SMG5: variants seen among roughly 807,000 people sequenced by gnomAD.
SMG5 encodes SMG5 nonsense mediated mRNA decay factor, also known as nonsense-mediated mRNA decay factor SMG5.
SMG5 carries 53 observed loss-of-function variants against 122.9 expected under a neutral mutation model. That is an observed-to-expected ratio of 0.43 (90% confidence interval 0.35 to 0.54). The LOEUF is 0.54. Among genes scored for constraint, SMG5 ranks in the 20% least tolerant of loss-of-function variants. The pLI, the probability that SMG5 is intolerant of heterozygous loss-of-function variation, is 0.01. For missense variants in SMG5, 1,153 were observed against 1,285.6 expected, an observed-to-expected ratio of 0.90 and a Z score of 1.58; for synonymous variants, 477 against 490.2, an observed-to-expected ratio of 0.97 and a Z score of 0.35.
chr1:156,253,225 A>G, intron 17 of SMG5, 147 bp from the exon 18 acceptor site: 1 of 1,043,604 alleles, frequency 9.6e-7, no homozygotes, highest in South Asian at 1.6e-5. Context: ...TTGGGGGAAA[A>G]GTAAACAGAA....
At chr1:156,255,322 C>CGAGGTCAGGAGTTCGAGACCAGCCTGA (rs1345053284) in intron 16 of SMG5, among the ~76,000 whole-genome samples, 32 of 151,272 alleles carry the variant, frequency 2.1e-4, no homozygotes, top group Admixed American at 1.7e-3. Context: ...GGGTAGATCA[C>CGAGGTCAGGAGTTCGAGACCAGCCTGA]GAGGTCAGGA....
At chr1:156,268,973 C>CTT (rs59194923) in intron 7 of SMG5, among the ~76,000 whole-genome samples, 2 of 144,052 alleles carry the variant, frequency 1.4e-5, no homozygotes, top group Admixed American at 6.9e-5. Flanking sequence ...CAATCCAACT[C>CTT]TTTTTTTTTT....
upstream of SMG5, chr1:156,285,296 C>T: frequency 1.3e-6 from 2 of 1,577,306 alleles, no homozygotes; most frequent in African/African-American, 1.4e-5. Flanking sequence ...GAGCTCACCC[C>T]AGGCCTTGGT....
At chr1:156,273,259 G>A (rs1008691295) in intron 6 of SMG5, 102 bp downstream of exon 6, 4 of 883,066 alleles carry the variant, frequency 4.5e-6, no homozygotes, top group Middle Eastern at 3.4e-4. Flanking sequence ...AGAATGAAGA[G>A]GAGCTGGGGA....
intron 16 of SMG5, among the ~76,000 whole-genome samples, chr1:156,258,099 T>C (rs1661660805): frequency 6.6e-6 from 1 of 152,250 alleles, no homozygotes; most frequent in Non-Finnish European, 1.5e-5. Context: ...AATGAATTAC[T>C]GGATGGAAAA....
intron 4 of SMG5, among the ~76,000 whole-genome samples, chr1:156,275,529 G>A (rs1366755358): frequency 2.0e-5 from 3 of 152,350 alleles, no homozygotes; most frequent in South Asian, 2.1e-4. Flanking sequence ...CAGCTGCTAA[G>A]CAGCAGAGTT....
At chr1:156,275,174 AT>A (rs1425363503) in intron 4 of SMG5, among the ~76,000 whole-genome samples, 36 of 151,594 alleles carry the variant, frequency 2.4e-4, no homozygotes, top group African/African-American at 7.5e-4. Flanking sequence ...CAACAACAAA[AT>A]TTAAAAAAGA....
In SMG5 at chr1:156,268,180, A is replaced by C. The variant is rs56280074; in HGVS notation, c.843T>G (p.Cys281Trp). The C allele has an allele frequency of 4.4e-4, 703 of 1,614,110 alleles. 6 individuals carry two copies. The African/African-American group carries it at 8.6e-3, about 20-fold the overall frequency. Residue 281 changes from cysteine to tryptophan, a missense_variant, in exon 9 of 22, where the codon TGT becomes TGG. Physicochemically the swap from Cys to Trp is radical, Grantham distance 215 (BLOSUM62 -2). Coordinates refer to ENST00000361813, the MANE Select transcript of SMG5 (RefSeq NM_015327.3). ...TRKLSPGKKRCKDIKRLLVNF... is the reference protein window; with the variant it reads ...TRKLSPGKKRWKDIKRLLVNF... ...TCACTAGCAACCTTTTAATGTCTTT[A>C]CATCTGAAATGAGAAGAGCCCAAAG...
chr1:156,262,511 G>A (rs1035642662), intron 13 of SMG5, among the ~76,000 whole-genome samples: 9 of 149,376 alleles, frequency 6.0e-5, no homozygotes, highest in East Asian at 2.0e-4. Flanking sequence ...AGAAAGCAGC[G>A]AAACCACAAG....
At chr1:156,263,643 GTGCAGGGAGCA>G in intron 12 of SMG5, 73 bp from the exon 13 acceptor site, 1 of 1,502,806 alleles carries the variant, frequency 6.7e-7, no homozygotes, top group Non-Finnish European at 9.0e-7. Flanking sequence ...CCTCAGCTCT[GTGCAGGGAGCA>G]TGCTTCCACC....
intron 10 of SMG5, among the ~76,000 whole-genome samples, chr1:156,267,232 C>A (rs1662191498): frequency 6.6e-6 from 1 of 152,154 alleles, no homozygotes; most frequent in Admixed American, 6.5e-5. Flanking sequence ...CAAGGGTGTG[C>A]ATATTTATGG....
intron 4 of SMG5, among the ~76,000 whole-genome samples, chr1:156,275,242 G>A (rs139605490): frequency 5.8e-4 from 88 of 152,116 alleles, no homozygotes; most frequent in African/African-American, 1.4e-3. Context: ...GAGGTCCACA[G>A]AGAAGGCAGC....
At position 156,274,610 on chromosome 1, in the gene SMG5, A is replaced by G; in HGVS notation, c.531T>C (p.Tyr177=). Residue 177 remains tyrosine (Y), a synonymous_variant, in exon 5 of 22, where the codon TAT becomes TAC. Coordinates refer to ENST00000361813, the MANE Select transcript of SMG5 (RefSeq NM_015327.3). ...AQMACHRCLV[Y]LGDLSRYQNE... is the part of the protein sequence containing the mutation. ...GCAAATTCTTACACAAATCCCCCAG[A>G]TACACCAGACATCGGTGACATGCCA... 1 of 1,613,890 alleles carries G rather than the reference A, an allele frequency of 6.2e-7. No homozygotes were observed. The highest frequency in any genetic ancestry group is 8.5e-7 in the Non-Finnish European group (1 of 1,179,838).
rs752953468 is a variant in SMG5, at chr1:156,260,505, G to T, written c.2229C>A (p.Ala743=). Residue 743 remains alanine, a synonymous_variant, in exon 15 of 22, where the codon GCC becomes GCA. Coordinates refer to ENST00000361813, the MANE Select transcript of SMG5 (RefSeq NM_015327.3). ...ALRNLPPLRA[A]HRRFNFDTDR... ...CCGTGTCAAAGTTAAAGCGTCTGTG[G>T]GCAGCTCGGAGCGGGGGCAGGTTAC... 24 of 1,590,260 alleles carry T rather than the reference G, an allele frequency of 1.5e-5. No individual in the cohort carries two copies. Among genetic ancestry groups the T allele is most frequent in the Non-Finnish European group, 2.0e-5 (23 of 1,171,496 alleles).
At chr1:156,257,505 C>T (rs1661632054) in intron 16 of SMG5, among the ~76,000 whole-genome samples, 1 of 152,042 alleles carries the variant, frequency 6.6e-6, no homozygotes, top group South Asian at 2.1e-4. Flanking sequence ...ACTCCCTACC[C>T]CCCGACAGGA....
In SMG5 at chr1:156,272,344, T is replaced by C. The variant is rs747674455; in HGVS notation, c.689A>G (p.Glu230Gly). The change falls in exon 7 of 22, where the codon GAA (glutamate) becomes GGA (glycine). Residue 230 changes from glutamate to glycine, a missense_variant. Glu to Gly is a moderately conservative substitution (Grantham distance 98, BLOSUM62 -2). This residue lies in a region of SMG5 where 85 missense variants were observed against 127.3 expected (regional missense o/e 0.67). Transcript: ENST00000361813. Reference protein sequence around the residue: ...TLAGSKYYNVEAMYCYLRCIQ... With the variant: ...TLAGSKYYNVGAMYCYLRCIQ... The stretch of plus-strand genomic sequence containing the variant: ...CCAGCGCAGGTAGCAATACATGGCT[T>C]CCACATTATAGTACTTGCTGCCTGC... 2 of 1,600,372 alleles carry C rather than the reference T, an allele frequency of 1.2e-6. No homozygotes were observed. The highest frequency in any genetic ancestry group is 2.2e-5 in the South Asian group (2 of 89,018).
Position 156,282,823 on chromosome 1 carries a change from G to T in SMG5, c.-143C>A. 1.2e-6 allele frequency: 1 copy of T among 825,000 alleles called. No homozygotes were observed. The highest frequency in any genetic ancestry group is 1.8e-6 in the Non-Finnish European group (1 of 551,114). The allele number at this position is 825,000 out of a possible 1,614,324, so 51.1% of individuals were successfully genotyped here. A position where few individuals can be genotyped will look rare whatever the true frequency, so the allele number is the denominator to read the frequency against. ...CCATCGCTGTGAGGCGGCTGCCCGC[G>T]ACAGCTCCTCCTCCGCCTGCCAAAT... On this transcript the variant is annotated 5_prime_UTR_variant, in exon 1 of 22. Transcript: ENST00000361813.
intron 7 of SMG5, among the ~76,000 whole-genome samples, chr1:156,270,955 C>T (rs985468459): frequency 2.6e-4 from 39 of 150,824 alleles, no homozygotes; most frequent in Admixed American, 1.3e-4. Flanking sequence ...TGCAGTGAGC[C>T]GAGATCATGC....
intron 4 of SMG5, among the ~76,000 whole-genome samples, chr1:156,274,995 A>G (rs550666289): frequency 1.3e-5 from 2 of 152,270 alleles, no homozygotes; most frequent in South Asian, 4.1e-4. Context: ...GGCTTCCAAA[A>G]AGGAGGAAGG....
Sources: allele counts gnomAD v4.1 joint callset (sites outside exome capture counted in the v4.1 genomes callset), GRCh38; gene constraint gnomAD v4.1.1; regional missense constraint gnomAD v4.1.1; transcripts MANE v1.5; gene names NCBI Gene and HGNC (gene_info 2026-07-23, HGNC 2026-07-21).